Variants in ZNF385B observed in about 807,000 individuals in gnomAD.
ZNF385B encodes zinc finger protein 533.
In ZNF385B, 23 loss-of-function variants were observed where a neutral mutation model predicts 39.2. The ratio of observed to expected loss-of-function variants is 0.59; its 90% confidence interval spans 0.42 to 0.83. The LOEUF (loss-of-function observed/expected upper bound fraction) is 0.83, where lower values mean the gene tolerates loss of function less well. ZNF385B is among the 40% of genes least tolerant of loss of function. The probability of loss-of-function intolerance (pLI) is 0.00; values close to 1 mark genes in which losing one functional copy is unlikely to be tolerated. For synonymous variants in ZNF385B, 205 were observed against 222.6 expected (o/e 0.92, Z 0.70); for missense variants, 552 against 598.9 (o/e 0.92, Z 0.82).
At chr2:179,789,996 C>A (rs778867400) in intron 1 of ZNF385B, among the ~76,000 whole-genome samples, 2 of 152,116 alleles carry the variant, frequency 1.3e-5, no homozygotes, top group Non-Finnish European at 2.9e-5. Flanking sequence ...ACAACTTTTC[C>A]TTTGAAATCA....
chr2:179,654,159 AG>A lies in ZNF385B; in HGVS notation c.299-109191del, dbSNP rs531761009. Among the ~76,000 whole-genome samples, 694 of 152,300 alleles carry A rather than the reference AG, an allele frequency of 4.6e-3. 3 individuals carry two copies. Among genetic ancestry groups the A allele is most frequent in the African/African-American group, 0.016 (659 of 41,556 alleles). On this transcript the variant is annotated intron_variant, in intron 3 of 9. Transcript: ENST00000410066. ...CCAATGGCACTGAATCTTAACCTAA[AG>A]GGAGATCCCATGTGAAAAGGTTGTC...
At chr2:179,774,006 G>GTATATGTGCTTTA (rs1056040388) in intron 1 of ZNF385B, among the ~76,000 whole-genome samples, 3 of 152,044 alleles carry the variant, frequency 2.0e-5, no homozygotes, top group African/African-American at 7.3e-5. Context: ...TGATGTGTGT[G>GTATATGTGCTTTA]TATATGTGCT....
chr2:179,491,920 T>TA (rs149623680), intron 5 of ZNF385B, among the ~76,000 whole-genome samples: 20,316 of 152,174 alleles, frequency 0.13, 1,493 homozygotes, highest in Non-Finnish European at 0.17. Flanking sequence ...AGGCTGGCCT[T>TA]AAACTCCTGG....
chr2:179,522,887 A>G (rs1228409379), intron 4 of ZNF385B: 3 of 453,536 alleles, frequency 6.6e-6, no homozygotes, highest in Non-Finnish European at 1.4e-5. Flanking sequence ...CTTACCTGGC[A>G]AAATTTATTG....
chr2:179,500,535 G>A lies in ZNF385B; in HGVS notation c.553-17101C>T, dbSNP rs191289970. Among the ~76,000 whole-genome samples the A allele has an allele frequency of 1.2e-3, 188 of 152,162 alleles. 1 individual carries two copies. Among genetic ancestry groups the A allele is most frequent in the African/African-American group, 4.3e-3 (178 of 41,500 alleles). On this transcript the variant is annotated intron_variant, in intron 5 of 9. Transcript: ENST00000410066. Reference sequence around the variant, plus strand: ...TCAGTAAATGGTGTTGGGAAAACTCGTTATCCATATGCAGAAGAATGAAAC... The same window carrying A: ...TCAGTAAATGGTGTTGGGAAAACTCATTATCCATATGCAGAAGAATGAAAC...
intron 6 of ZNF385B, among the ~76,000 whole-genome samples, chr2:179,474,612 T>C (rs941770101): frequency 1.1e-4 from 16 of 152,128 alleles, no homozygotes; most frequent in African/African-American, 3.6e-4. Context: ...CACACAATGC[T>C]CATTCAGTTA....
chr2:179,742,189 A>G (rs1702125622), intron 3 of ZNF385B, among the ~76,000 whole-genome samples: 1 of 152,092 alleles, frequency 6.6e-6, no homozygotes, highest in Admixed American at 6.6e-5. Flanking sequence ...AGATTCCATC[A>G]GTCCTTTATT....
At chr2:179,754,237 A>G (rs1438326974) in intron 3 of ZNF385B, among the ~76,000 whole-genome samples, 1 of 152,168 alleles carries the variant, frequency 6.6e-6, no homozygotes, top group Non-Finnish European at 1.5e-5. Context: ...TATTACATTT[A>G]TTGATTTGCA....
At chr2:179,535,767 A>G (rs1017128401) in intron 4 of ZNF385B, among the ~76,000 whole-genome samples, 3 of 152,234 alleles carry the variant, frequency 2.0e-5, no homozygotes, top group Non-Finnish European at 4.4e-5. Context: ...CAAGATTCCT[A>G]CTGAGCTCTA....
chr2:179,693,305 CTT>C (rs753269501), intron 3 of ZNF385B, among the ~76,000 whole-genome samples: 3 of 152,156 alleles, frequency 2.0e-5, no homozygotes, highest in Non-Finnish European at 4.4e-5. Context: ...GAGTTATACT[CTT>C]TTAGTTAATC....
chr2:179,590,762 G>A (rs992141402), intron 3 of ZNF385B, among the ~76,000 whole-genome samples: 4 of 152,046 alleles, frequency 2.6e-5, no homozygotes, highest in Admixed American at 2.6e-4. Context: ...TTGCTTAAAA[G>A]TGGCAGTTTC....
At chr2:179,488,089 A>G (rs757543364) in intron 5 of ZNF385B, among the ~76,000 whole-genome samples, 16 of 152,206 alleles carry the variant, frequency 1.1e-4, no homozygotes, top group Non-Finnish European at 2.2e-4. Flanking sequence ...ATGTAACCCA[A>G]AAACTTCTAA....
intron 1 of ZNF385B, among the ~76,000 whole-genome samples, chr2:179,797,466 C>T (rs1217418256): frequency 6.6e-6 from 1 of 152,144 alleles, no homozygotes; most frequent in Non-Finnish European, 1.5e-5. Context: ...GTTTAAGCTT[C>T]CCCAATTTTC....
At position 179,585,335 on chromosome 2, in the gene ZNF385B, C is replaced by T. The variant is rs969846320; in HGVS notation, c.299-40366G>A. ...CTCCTGGGTATTTATATTGACCTAC[C>T]TCATGGAATTTCTGAATGTAAGCAC... is the stretch of plus-strand genomic sequence containing the variant. On this transcript the variant is annotated intron_variant, in intron 3 of 9. Transcript: ENST00000410066. Among the ~76,000 whole-genome samples, 76 of 152,132 alleles carry T rather than the reference C, an allele frequency of 5.0e-4. 1 individual carries two copies. The highest frequency in any genetic ancestry group is 1.8e-3 in the African/African-American group (75 of 41,418).
At chr2:179,493,686 C>CGTATATGCATATATGTAT in intron 5 of ZNF385B, among the ~76,000 whole-genome samples, 1 of 70,324 alleles carries the variant, frequency 1.4e-5, no homozygotes, top group Non-Finnish European at 3.1e-5. Flanking sequence ...TATACATATA[C>CGTATATGCATATATGTAT]ACATATATAC....
At chr2:179,473,569 A>G (rs1574320606) in intron 6 of ZNF385B, among the ~76,000 whole-genome samples, 1 of 152,176 alleles carries the variant, frequency 6.6e-6, no homozygotes, top group Non-Finnish European at 1.5e-5. Flanking sequence ...ACACGTGCAG[A>G]ACGTGCAGGT....
At chr2:179,745,857 G>A in intron 3 of ZNF385B, 2 of 1,339,912 alleles carry the variant, frequency 1.5e-6, no homozygotes, top group Non-Finnish European at 1.9e-6. Context: ...TTATCTGTGT[G>A]ACAGCACCAC....
intron 3 of ZNF385B, among the ~76,000 whole-genome samples, chr2:179,714,385 T>A (rs1368942633): frequency 6.6e-6 from 1 of 152,198 alleles, no homozygotes; most frequent in African/African-American, 2.4e-5. Context: ...TATCGAAGAA[T>A]ATCCAATAAG....
At chr2:179,473,401 T>A (rs1404485171) in intron 6 of ZNF385B, among the ~76,000 whole-genome samples, 6 of 152,200 alleles carry the variant, frequency 3.9e-5, no homozygotes, top group Non-Finnish European at 8.8e-5. Context: ...AACAAATGGT[T>A]ACTTTTTATG....
Sources: allele counts gnomAD v4.1 joint callset (sites outside exome capture counted in the v4.1 genomes callset), GRCh38; gene constraint gnomAD v4.1.1; transcripts MANE v1.5; gene names NCBI Gene and HGNC (gene_info 2026-07-23, HGNC 2026-07-21).